Variants in ANAPC16 observed in about 807,000 individuals in gnomAD.
The protein encoded by ANAPC16 is anaphase promoting complex subunit 16.
ANAPC16 carries 6 observed loss-of-function variants against 13.1 expected under a neutral mutation model. That is an observed-to-expected ratio of 0.46 (90% confidence interval 0.25 to 0.90). The LOEUF is 0.90. ANAPC16 is among the 40% of genes least tolerant of loss of function. The pLI is 0.18. For missense variants in ANAPC16, 113 were observed against 131.1 expected (o/e 0.86, Z 0.67); for synonymous variants, 55 against 51.3 (o/e 1.07, Z -0.31).
intron 2 of ANAPC16, among the ~76,000 whole-genome samples, chr10:72,229,229 T>TC (rs1860219287): frequency 8.7e-6 from 1 of 114,860 alleles, no homozygotes; most frequent in African/African-American, 5.5e-5. Context: ...TCTTTTTCTC[T>TC]TTTTTTTTTT....
chr10:72,230,608 G>T (rs1262413296), intron 3 of ANAPC16, among the ~76,000 whole-genome samples, 168 bp downstream of exon 3: 2 of 152,168 alleles, frequency 1.3e-5, no homozygotes, highest in African/African-American at 2.4e-5. Flanking sequence ...GAGGCTTAAG[G>T]TTGGGGCCGA....
Position 72,223,961 on chromosome 10 carries a change from G to A in ANAPC16, c.47G>A (p.Ser16Asn), listed in dbSNP as rs1860034128. 6.2e-7 allele frequency: 1 copy of A among 1,611,622 alleles called. No homozygotes were observed. Among genetic ancestry groups the A allele is most frequent in the African/African-American group, 1.3e-5 (1 of 74,904 alleles). ...TCCTCAGCTGGTGGGGTCAGTGGAA[G>A]TTCTGTCACTGGATCTGGTTTCAGT... Reference protein sequence around the residue: ...SSSSAGGVSGSSVTGSGFSVS... With the variant: ...SSSSAGGVSGNSVTGSGFSVS... The change falls in exon 2 of 4, where the codon AGT becomes AAT. Residue 16 changes from serine to asparagine, a missense_variant. Physicochemically the swap from Ser to Asn is conservative, Grantham distance 46. Transcript: ENST00000299381.
chr10:72,219,350 T>C (rs1859808325), intron 1 of ANAPC16, among the ~76,000 whole-genome samples: 1 of 152,248 alleles, frequency 6.6e-6, no homozygotes, highest in Non-Finnish European at 1.5e-5. Context: ...GATATTAATC[T>C]AACTCCCAAA....
At chr10:72,216,750 G>C (rs1859420153) in intron 1 of ANAPC16, 1 of 451,568 alleles carries the variant, frequency 2.2e-6, no homozygotes, top group East Asian at 7.0e-5. Context: ...TCTTAGCTCG[G>C]ACACAGCAAT....
chr10:72,222,431 C>G (rs1455496455), intron 1 of ANAPC16, among the ~76,000 whole-genome samples: 1 of 102,554 alleles, frequency 9.8e-6, no homozygotes, highest in African/African-American at 5.0e-5. Flanking sequence ...TACATACATA[C>G]ATACCAGACT....
intron 1 of ANAPC16, among the ~76,000 whole-genome samples, chr10:72,218,165 A>AATATAT (rs61038115): frequency 9.5e-5 from 3 of 31,536 alleles, no homozygotes; most frequent in South Asian, 1.6e-3. Flanking sequence ...AAAAAAAAAA[A>AATATAT]ATATATATAT....
Position 72,218,168 on chromosome 10 carries a change from ATATATATATATAT to A in ANAPC16, c.-28+2031_-28+2043del, listed in dbSNP as rs1859720851. Among the ~76,000 whole-genome samples the A allele has an allele frequency of 3.0e-3, 59 of 19,720 alleles. 1 individual carries two copies. The highest frequency in any genetic ancestry group is 0.014 in the East Asian group (7 of 500). The allele number at this position is 19,720 out of a possible 152,430, so 12.9% of individuals were successfully genotyped here. A position where few individuals can be genotyped will look rare whatever the true frequency, so the allele number is the denominator to read the frequency against. Reference sequence around the variant, plus strand: ...CTCAAAAAAAAAAAAAAAAAAAAATATATATATATATATATATATATATATATATATATATATA... The same window carrying A: ...CTCAAAAAAAAAAAAAAAAAAAAATAATATATATATATATATATATATATA... On this transcript the variant is annotated intron_variant, in intron 1 of 3. Coordinates refer to ENST00000299381, the MANE Select transcript of ANAPC16 (RefSeq NM_173473.4).
chr10:72,218,138 T>C (rs1406523758), intron 1 of ANAPC16, among the ~76,000 whole-genome samples: 4 of 95,582 alleles, frequency 4.2e-5, no homozygotes, highest in African/African-American at 1.1e-4. Flanking sequence ...AGAGTGAAAC[T>C]CTGTCTCAAA....
chr10:72,219,438 C>G (rs1859813461), intron 1 of ANAPC16, among the ~76,000 whole-genome samples: 1 of 152,072 alleles, frequency 6.6e-6, no homozygotes, highest in Admixed American at 6.6e-5. Flanking sequence ...GATCTAATAA[C>G]AAGATTGAAA....
rs1403319587 is a variant in ANAPC16, at chr10:72,235,536, TAACTA to T, written c.*2423_*2427del. ...TCACATTTTCTATATTAATAATTCT[TAACTA>T]AAAGAAGTTCCATATTCGACAGCAT... On this transcript the variant is annotated 3_prime_UTR_variant, in exon 4 of 4. Coordinates refer to ENST00000299381, the MANE Select transcript of ANAPC16 (RefSeq NM_173473.4). 1 of 152,344 alleles carries T rather than the reference TAACTA, an allele frequency of 6.6e-6. No individual in the cohort carries two copies. Among genetic ancestry groups the T allele is most frequent in the Non-Finnish European group, 1.5e-5 (1 of 68,024 alleles). 9.4% of individuals were successfully genotyped at this position (152,344 alleles called of 1,614,324 possible). A position where few individuals can be genotyped will look rare whatever the true frequency, so the allele number is the denominator to read the frequency against.
intron 2 of ANAPC16, among the ~76,000 whole-genome samples, chr10:72,226,281 A>G (rs1253935005): frequency 6.6e-6 from 1 of 152,002 alleles, no homozygotes; most frequent in Non-Finnish European, 1.5e-5. Context: ...AGCCTCCCAA[A>G]GTGCTATGAT....
intron 3 of ANAPC16, among the ~76,000 whole-genome samples, chr10:72,231,872 A>C (rs1231259235): frequency 6.6e-6 from 1 of 151,712 alleles, no homozygotes; most frequent in Admixed American, 6.6e-5. Context: ...TTTTAACATT[A>C]GAAGAAACTT....
intron 1 of ANAPC16, among the ~76,000 whole-genome samples, chr10:72,219,686 A>G (rs1219843255): frequency 6.6e-6 from 1 of 152,228 alleles, no homozygotes; most frequent in Non-Finnish European, 1.5e-5. Flanking sequence ...GGAGTTAGCC[A>G]GGATAGTGCC....
chr10:72,227,457 TAATCTTA>T (rs1317801541), intron 2 of ANAPC16, among the ~76,000 whole-genome samples: 5 of 151,214 alleles, frequency 3.3e-5, no homozygotes, highest in Admixed American at 6.6e-5. Flanking sequence ...GTTTTACCAA[TAATCTTA>T]AATCTTAAAA....
At chr10:72,226,763 A>G (rs1860135327) in intron 2 of ANAPC16, among the ~76,000 whole-genome samples, 1 of 152,176 alleles carries the variant, frequency 6.6e-6, no homozygotes, top group Admixed American at 6.5e-5. Context: ...GGTTAAGCCC[A>G]AAATCATTTG....
intron 1 of ANAPC16, 89 bp downstream of exon 1, chr10:72,216,227 G>A (rs982759036): frequency 7.1e-5 from 11 of 155,780 alleles, no homozygotes; most frequent in African/African-American, 2.7e-4. Flanking sequence ...TAGAAAAATG[G>A]AGAAGGTAGG....
At position 72,234,689 on chromosome 10, in the gene ANAPC16, G is replaced by A. The variant is rs891677080; in HGVS notation, c.*1573G>A. 2 of 152,138 alleles carry A rather than the reference G, an allele frequency of 1.3e-5. No individual in the cohort carries two copies. The highest frequency in any genetic ancestry group is 4.8e-5 in the African/African-American group (2 of 41,438). 9.4% of individuals were successfully genotyped at this position (152,138 alleles called of 1,614,324 possible). A position where few individuals can be genotyped will look rare whatever the true frequency, so the allele number is the denominator to read the frequency against. On this transcript the variant is annotated 3_prime_UTR_variant, in exon 4 of 4. Transcript: ENST00000299381. Reference sequence around the variant, plus strand: ...AGCCTTAATCTCAAGAGTTCAAAATGTTTAACACATTCTACCTGACGGGAG... The same window carrying A: ...AGCCTTAATCTCAAGAGTTCAAAATATTTAACACATTCTACCTGACGGGAG...
rs185334791 is a variant in ANAPC16, at chr10:72,233,480, T to C, written c.*364T>C. 1.5e-3 allele frequency: 267 copies of C among 175,198 alleles called. 1 individual carries two copies. Among genetic ancestry groups the C allele is most frequent in the Non-Finnish European group, 2.6e-3 (216 of 82,084 alleles). The allele number at this position is 175,198 out of a possible 1,614,324, so 10.9% of individuals were successfully genotyped here. A position where few individuals can be genotyped will look rare whatever the true frequency, so the allele number is the denominator to read the frequency against. Reference sequence around the variant, plus strand: ...TCATCCATATGGTGCCTGGAAATATTTACCAGTCAAGGTCAAGGTCAGCAT... The same window carrying C: ...TCATCCATATGGTGCCTGGAAATATCTACCAGTCAAGGTCAAGGTCAGCAT... On this transcript the variant is annotated 3_prime_UTR_variant, in exon 4 of 4. Transcript: ENST00000299381.
In ANAPC16 at chr10:72,234,890, C is replaced by T. The variant is rs1860426716; in HGVS notation, c.*1774C>T. On this transcript the variant is annotated 3_prime_UTR_variant, in exon 4 of 4. Transcript: ENST00000299381. ...TGGAGACTGGGCACAGTGGCTCCCA[C>T]CTTTAATCCCAGCACCTGGGGAGGC... 6.6e-6 allele frequency: 1 copy of T among 152,190 alleles called. No homozygotes were observed. Among genetic ancestry groups the T allele is most frequent in the South Asian group, 2.1e-4 (1 of 4,828 alleles). 9.4% of individuals were successfully genotyped at this position (152,190 alleles called of 1,614,324 possible).
Sources: allele counts gnomAD v4.1 joint callset (sites outside exome capture counted in the v4.1 genomes callset), GRCh38; gene constraint gnomAD v4.1.1; transcripts MANE v1.5; gene names NCBI Gene and HGNC (gene_info 2026-07-23, HGNC 2026-07-21).